The following LIPG variants were observed in gnomAD, a reference collection of about 807,000 sequenced individuals.
LIPG encodes endothelial lipase.
In LIPG, 34 loss-of-function variants were observed where a neutral mutation model predicts 51.8. The observed-to-expected ratio is 0.66, with a 90% CI of 0.50 to 0.87. The LOEUF (loss-of-function observed/expected upper bound fraction) is 0.87, where lower values mean the gene tolerates loss of function less well. Among genes scored for constraint, LIPG ranks in the 40% least tolerant of loss-of-function variants. The pLI is 0.00. For synonymous variants in LIPG, 246 were observed against 246.1 expected (o/e 1.00, Z 0.00); for missense variants, 580 against 652.7 (o/e 0.89, Z 1.21).
intron 9 of LIPG, among the ~76,000 whole-genome samples, chr18:49,588,777 C>T (rs958823191): frequency 2.0e-5 from 3 of 152,154 alleles, no homozygotes; most frequent in Non-Finnish European, 4.4e-5. Context: ...CAGCCACACG[C>T]CCTCTAAGCC....
At position 49,593,999 on chromosome 18, in the gene LIPG, G is replaced by T. The variant is rs1279955698; in HGVS notation, c.*3477G>T. On this transcript the variant is annotated 3_prime_UTR_variant, in exon 10 of 10. Coordinates refer to ENST00000261292, the MANE Select transcript of LIPG (RefSeq NM_006033.4). Reference sequence around the variant, plus strand: ...AACATGTATCATTTCTTTGTGTTGGGAACATTCAATATCCTCCTTCTAGTT... The same window carrying T: ...AACATGTATCATTTCTTTGTGTTGGTAACATTCAATATCCTCCTTCTAGTT... 6.6e-6 allele frequency: 1 copy of T among 152,124 alleles called. No homozygotes were observed. The highest frequency in any genetic ancestry group is 1.5e-5 in the Non-Finnish European group (1 of 68,028). The allele number at this position is 152,124 out of a possible 1,614,324, so 9.4% of individuals were successfully genotyped here. A position where few individuals can be genotyped will look rare whatever the true frequency, so the allele number is the denominator to read the frequency against.
chr18:49,587,586 A>AG (rs1331210874), intron 9 of LIPG, among the ~76,000 whole-genome samples: 1 of 150,698 alleles, frequency 6.6e-6, no homozygotes, highest in Non-Finnish European at 1.5e-5. Flanking sequence ...AAAAAAAAAA[A>AG]AAAAAAAAGA....
intron 5 of LIPG, among the ~76,000 whole-genome samples, chr18:49,578,028 C>T (rs2084746319): frequency 6.8e-6 from 1 of 146,674 alleles, no homozygotes; most frequent in African/African-American, 2.6e-5. Flanking sequence ...GGGCTGACCC[C>T]CCCACCTCCC....
chr18:49,562,277 C>T lies in LIPG; in HGVS notation c.-32C>T. On this transcript the variant is annotated 5_prime_UTR_variant, in exon 1 of 10. Coordinates refer to ENST00000261292, the MANE Select transcript of LIPG (RefSeq NM_006033.4). The stretch of plus-strand genomic sequence containing the variant: ...AGGTGGTTTTTGTTTTTTAAAACTT[C>T]TGTTTCTTGGGAGGGGGTGTGGCGG... The T allele has an allele frequency of 6.2e-7, 1 of 1,612,578 alleles. No individual in the cohort carries two copies. The highest frequency in any genetic ancestry group is 2.2e-5 in the East Asian group (1 of 44,876).
At chr18:49,562,986 C>T (rs2084567771) in intron 1 of LIPG, among the ~76,000 whole-genome samples, 1 of 152,190 alleles carries the variant, frequency 6.6e-6, no homozygotes, top group African/African-American at 2.4e-5. Context: ...TCTTCCTCTT[C>T]CCACTCCTCC....
intron 6 of LIPG, 96 bp from the exon 7 acceptor site, chr18:49,582,266 C>T: frequency 6.6e-7 from 1 of 1,504,206 alleles, no homozygotes; most frequent in Admixed American, 1.7e-5. Context: ...AGAACACCAG[C>T]CCTAAAATCT....
At chr18:49,574,281 A>G (rs1325558598) in intron 4 of LIPG, among the ~76,000 whole-genome samples, 1 of 152,170 alleles carries the variant, frequency 6.6e-6, no homozygotes, top group East Asian at 1.9e-4. Flanking sequence ...ATTAAGGTAT[A>G]AATTCAGGTT....
At chr18:49,577,301 A>C (rs1402262910) in intron 5 of LIPG, among the ~76,000 whole-genome samples, 11 of 140,702 alleles carry the variant, frequency 7.8e-5, no homozygotes, top group Non-Finnish European at 1.5e-5. Context: ...CTGAGTGGAC[A>C]CAGCACATGT....
intron 8 of LIPG, among the ~76,000 whole-genome samples, chr18:49,586,241 G>T (rs763649592): frequency 1.1e-4 from 17 of 152,204 alleles, no homozygotes; most frequent in Non-Finnish European, 1.9e-4. Flanking sequence ...GAGGTACTTT[G>T]AATCACTCCG....
chr18:49,586,080 T>C (rs988362667), intron 8 of LIPG, among the ~76,000 whole-genome samples: 2 of 152,220 alleles, frequency 1.3e-5, no homozygotes, highest in Admixed American at 1.3e-4. Flanking sequence ...CCCCTGAGGC[T>C]GCGTGGGGCA....
intron 4 of LIPG, 81 bp from the exon 5 acceptor site, chr18:49,575,288 C>T (rs2084703693): frequency 1.8e-6 from 2 of 1,110,364 alleles, no homozygotes; most frequent in East Asian, 2.4e-5. Flanking sequence ...ATTCTGCACA[C>T]TCAGACTTAA....
At chr18:49,585,297 A>G (rs2084869359) in intron 8 of LIPG, among the ~76,000 whole-genome samples, 1 of 152,210 alleles carries the variant, frequency 6.6e-6, no homozygotes, top group African/African-American at 2.4e-5. Flanking sequence ...TCCTGATCTC[A>G]GGTGATCTGC....
In LIPG at chr18:49,594,836, T is replaced by C. The variant is rs906577506; in HGVS notation, c.*4314T>C. ...GGGAGTTGGGTTAGACAATAAGAGA[T>C]AAGTTCTTAACTTGGTTCAGATGTC... On this transcript the variant is annotated 3_prime_UTR_variant, in exon 10 of 10. Transcript: ENST00000261292. The C allele has an allele frequency of 5.9e-5, 9 of 152,232 alleles. No individual in the cohort carries two copies. Among genetic ancestry groups the C allele is most frequent in the Admixed American group, 2.0e-4 (3 of 15,284 alleles). 9.4% of individuals were successfully genotyped at this position (152,232 alleles called of 1,614,324 possible).
intron 5 of LIPG, among the ~76,000 whole-genome samples, chr18:49,578,958 A>G (rs2084770520): frequency 7.4e-6 from 1 of 134,642 alleles, no homozygotes; most frequent in Non-Finnish European, 1.6e-5. Context: ...CCGAGATGGC[A>G]GCAGTACAGT....
At chr18:49,567,823 T>C (rs1326512393) in intron 3 of LIPG, 1 of 572,712 alleles carries the variant, frequency 1.7e-6, no homozygotes, top group East Asian at 3.0e-5. Context: ...TATTGATAGA[T>C]CTCTGGATTT....
chr18:49,580,996 C>T (rs1226256777), intron 5 of LIPG, among the ~76,000 whole-genome samples: 1 of 152,154 alleles, frequency 6.6e-6, no homozygotes, highest in Admixed American at 6.5e-5. Flanking sequence ...CAGCGGCTCA[C>T]ATCTGTAATC....
upstream of LIPG, chr18:49,561,604 G>C: frequency 1.9e-6 from 2 of 1,048,756 alleles, no homozygotes; most frequent in South Asian, 4.9e-5. Context: ...GGATGACCAG[G>C]TGGCTCTCCC....
intron 3 of LIPG, among the ~76,000 whole-genome samples, chr18:49,568,012 T>G (rs545838723): frequency 6.6e-6 from 1 of 151,474 alleles, no homozygotes; most frequent in Non-Finnish European, 1.5e-5. Context: ...GGGGAGGGGG[T>G]TATTTCAAAA....
At chr18:49,569,363 TTGTTGAACTGC>T (rs1221695017) in intron 3 of LIPG, 63 bp from the exon 4 acceptor site, 1 of 1,238,056 alleles carries the variant, frequency 8.1e-7, no homozygotes, top group Admixed American at 1.7e-5. Context: ...CGTGACTGAG[TTGTTGAACTGC>T]TGGTGATTCT....
Sources: allele counts gnomAD v4.1 joint callset (sites outside exome capture counted in the v4.1 genomes callset), GRCh38; gene constraint gnomAD v4.1.1; transcripts MANE v1.5; gene names NCBI Gene and HGNC (gene_info 2026-07-23, HGNC 2026-07-21).